The following CHST15 variants were observed in gnomAD, a reference collection of about 807,000 sequenced individuals.
The protein encoded by CHST15 is B cell RAG associated protein (GALNAC4S-6ST).
In CHST15, 30 loss-of-function variants were observed where a neutral mutation model predicts 53.6. The ratio of observed to expected loss-of-function variants is 0.56; its 90% confidence interval spans 0.42 to 0.76. CHST15 has a LOEUF of 0.76. Ranked by LOEUF, CHST15 falls within the 30% of genes least tolerant of loss-of-function variation. The probability of loss-of-function intolerance (pLI) is 0.00; values close to 1 mark genes in which losing one functional copy is unlikely to be tolerated. For missense variants in CHST15, 627 were observed against 740.5 expected (o/e 0.85, Z 1.78); for synonymous variants, 296 against 289.8 (o/e 1.02, Z -0.22).
rs1350374276 is a variant in CHST15, at chr10:124,036,266, C to G, written c.1190+2249G>C. ...TCAGCCCTGCTGGATGGAGGGAGAC[C>G]ACTCAGCAGGGCCGATTTCTGCCTC... On this transcript the variant is annotated intron_variant, in intron 5 of 7. Transcript: ENST00000435907. This position sits in a 1 kb window ranked among gnomAD's most constrained non-coding sequence, Gnocchi z 5.1. Among the ~76,000 whole-genome samples, 1 of 152,158 alleles carries G rather than the reference C, an allele frequency of 6.6e-6. No homozygotes were observed. The highest frequency in any genetic ancestry group is 1.5e-5 in the Non-Finnish European group (1 of 68,014).
At chr10:124,060,868 C>T (rs770359361) in intron 1 of CHST15, among the ~76,000 whole-genome samples, 3 of 152,218 alleles carry the variant, frequency 2.0e-5, no homozygotes, top group Non-Finnish European at 2.9e-5. Context: ...CACTGTCTTT[C>T]ACCTTTGAGT....
In CHST15 at chr10:124,009,203, T is replaced by G. The variant is rs1049826816; in HGVS notation, c.*946A>C. The G allele has an allele frequency of 7.9e-6, 9 of 1,146,260 alleles. No homozygotes were observed. The highest frequency in any genetic ancestry group is 6.2e-5 in the East Asian group (1 of 16,064). The allele number at this position is 1,146,260 out of a possible 1,614,324, so 71.0% of individuals were successfully genotyped here. ...TGATCTTGTAAACCTGATGAGGGCT[T>G]GAATTACCTAGATTTTCCAAGAAGT... is the stretch of plus-strand genomic sequence containing the variant. On this transcript the variant is annotated 3_prime_UTR_variant, in exon 8 of 8. Coordinates refer to ENST00000435907, the MANE Select transcript of CHST15 (RefSeq NM_001270764.2).
intron 5 of CHST15, among the ~76,000 whole-genome samples, chr10:124,026,827 C>T (rs186502410): frequency 6.0e-4 from 92 of 152,266 alleles, no homozygotes; most frequent in South Asian, 2.3e-3. Context: ...GAAGGACTGA[C>T]CAGCGGGCAG....
chr10:124,011,455 C>A (rs965679590), intron 7 of CHST15: 7 of 985,340 alleles, frequency 7.1e-6, no homozygotes, highest in Non-Finnish European at 8.4e-6. Context: ...ATCAAAGAGG[C>A]CCAAGTCCCA....
chr10:124,072,999 T>C (rs1564908046), intron 1 of CHST15, among the ~76,000 whole-genome samples: 1 of 152,152 alleles, frequency 6.6e-6, no homozygotes, highest in African/African-American at 2.4e-5. Flanking sequence ...TTCCAGAGAC[T>C]CATACGCTGC....
intron 1 of CHST15, among the ~76,000 whole-genome samples, chr10:124,078,105 G>A (rs71484551): frequency 0.022 from 3,319 of 152,314 alleles, 49 homozygotes; most frequent in Non-Finnish European, 0.034. Context: ...CTCAGAAATG[G>A]AAGGGACACG....
chr10:124,085,126 C>T (rs1246892299), intron 1 of CHST15, among the ~76,000 whole-genome samples: 1 of 152,190 alleles, frequency 6.6e-6, no homozygotes, highest in Non-Finnish European at 1.5e-5. Context: ...GACCCATAGT[C>T]TGATTTGGGG....
At chr10:124,033,758 C>G (rs1406166779) in intron 5 of CHST15, among the ~76,000 whole-genome samples, 1 of 152,166 alleles carries the variant, frequency 6.6e-6, no homozygotes, top group African/African-American at 2.4e-5. Flanking sequence ...TGAATTCTGC[C>G]CACAACCATG....
Position 124,007,982 on chromosome 10 carries a change from TGG to T in CHST15, c.*2165_*2166del. Reference sequence around the variant, plus strand: ...AAGCAGAGGCAGCCGAAGTGCCCTCTGGAGAGAAAGGCCCCTGGAGGGAAAAA... The same window carrying T: ...AAGCAGAGGCAGCCGAAGTGCCCTCTAGAGAAAGGCCCCTGGAGGGAAAAA... On this transcript the variant is annotated 3_prime_UTR_variant, in exon 8 of 8. Coordinates refer to ENST00000435907, the MANE Select transcript of CHST15 (RefSeq NM_001270764.2). The T allele has an allele frequency of 8.6e-7, 1 of 1,159,924 alleles. No homozygotes were observed. Among genetic ancestry groups the T allele is most frequent in the Admixed American group, 6.1e-5 (1 of 16,488 alleles). The allele number at this position is 1,159,924 out of a possible 1,614,324, so 71.9% of individuals were successfully genotyped here.
At chr10:124,071,710 T>C (rs1255193431) in intron 1 of CHST15, among the ~76,000 whole-genome samples, 1 of 152,252 alleles carries the variant, frequency 6.6e-6, no homozygotes, top group Non-Finnish European at 1.5e-5. Flanking sequence ...CTGAAGTACC[T>C]GAGCTGTATC....
intron 1 of CHST15, among the ~76,000 whole-genome samples, chr10:124,072,892 C>T (rs114575534): frequency 6.6e-6 from 1 of 152,174 alleles, no homozygotes; most frequent in African/African-American, 2.4e-5. Flanking sequence ...AAAGGGCCAG[C>T]TGTTATCCCC....
chr10:124,075,554 G>T (rs1351775360), intron 1 of CHST15, among the ~76,000 whole-genome samples: 1 of 152,160 alleles, frequency 6.6e-6, no homozygotes, highest in Non-Finnish European at 1.5e-5. Context: ...CCCCCAAGAC[G>T]CTGCTCGGAA....
intron 1 of CHST15, among the ~76,000 whole-genome samples, chr10:124,069,878 G>A (rs372665196): frequency 6.6e-5 from 10 of 152,318 alleles, no homozygotes; most frequent in African/African-American, 2.4e-4. Flanking sequence ...TCCATGACAT[G>A]TGGAATATAC....
intron 4 of CHST15, among the ~76,000 whole-genome samples, chr10:124,039,043 AG>A (rs1367846988): frequency 7.9e-5 from 12 of 152,360 alleles, no homozygotes; most frequent in African/African-American, 2.9e-4. Context: ...TGGCATTTTA[AG>A]GGCCCACTGA....
chr10:124,085,302 C>T (rs965463304), intron 1 of CHST15, among the ~76,000 whole-genome samples: 36 of 152,200 alleles, frequency 2.4e-4, no homozygotes, highest in African/African-American at 8.7e-4. Flanking sequence ...TAGACGGCTC[C>T]GCTTATATTC....
At position 124,042,543 on chromosome 10, in the gene CHST15, T is replaced by TAA. The variant is rs916115542; in HGVS notation, c.887-98_887-97dup. ...GCAACCAAAGAGAGATGGAAAGGCC[T>TAA]AAAGGGCCTGGCGACAGCAGCAAGA... On this transcript the variant is annotated intron_variant, in intron 3 of 7. Coordinates refer to ENST00000435907, the MANE Select transcript of CHST15 (RefSeq NM_001270764.2). 5.7e-6 allele frequency: 8 copies of TAA among 1,400,338 alleles called. No homozygotes were observed. The African/African-American group carries it at 1.1e-4, about 20-fold the overall frequency. 86.7% of individuals were successfully genotyped at this position (1,400,338 alleles called of 1,614,324 possible).
intron 5 of CHST15, among the ~76,000 whole-genome samples, chr10:124,029,810 C>T (rs1417321770): frequency 6.6e-6 from 1 of 152,210 alleles, no homozygotes; most frequent in African/African-American, 2.4e-5. Flanking sequence ...CCTCCTTCAA[C>T]AGCGTCAACC....
chr10:124,091,820 A>G (rs1949607518), intron 1 of CHST15, among the ~76,000 whole-genome samples: 1 of 152,038 alleles, frequency 6.6e-6, no homozygotes, highest in East Asian at 1.9e-4. Context: ...AGACTTCCCT[A>G]CACTGGGCGC....
intron 6 of CHST15, among the ~76,000 whole-genome samples, chr10:124,017,095 C>T (rs1401581937): frequency 6.6e-6 from 1 of 152,104 alleles, no homozygotes; most frequent in Non-Finnish European, 1.5e-5. Context: ...AGCAAGCAGA[C>T]TGTACGTGCA....
Sources: gnomAD v4.1 joint callset for allele counts (sites outside exome capture counted in the v4.1 genomes callset) on GRCh38, gnomAD v4.1.1 for gene constraint, Gnocchi (gnomAD v3.1) non-coding constraint, MANE v1.5 for transcripts, NCBI Gene and HGNC (gene_info 2026-07-23, HGNC 2026-07-21) for gene names.